CNOT6: variants seen among roughly 807,000 people sequenced by gnomAD.
The protein encoded by CNOT6 is carbon catabolite repression 4 protein.
A neutral mutation model predicts 61.2 loss-of-function variants in CNOT6; 12 were observed. The ratio of observed to expected loss-of-function variants is 0.20; its 90% CI spans 0.13 to 0.32. CNOT6 has a LOEUF of 0.32. Among genes scored for constraint, CNOT6 ranks in the 10% least tolerant of loss-of-function variants. CNOT6 has a pLI of 1.00. For missense variants in CNOT6, 405 were observed against 663.9 expected, an observed-to-expected ratio of 0.61 and a Z score of 4.28; for synonymous variants, 225 against 240.6, an observed-to-expected ratio of 0.94 and a Z score of 0.60.
rs1761037348 is a variant in CNOT6 at position 180,577,138 on chromosome 5, A to AGATAG, written c.*2940_*2944dup. The AGATAG allele has an allele frequency of 1.3e-5, 2 of 150,026 alleles. No homozygotes were observed. Among genetic ancestry groups the AGATAG allele is most frequent in the African/African-American group, 4.9e-5 (2 of 40,524 alleles). The allele number at this position is 150,026 out of a possible 1,614,324, so 9.3% of individuals were successfully genotyped here. On this transcript the variant is annotated 3_prime_UTR_variant, in exon 12 of 12. Transcript: ENST00000261951. ...TTGAGTGCAACTTTCATAGTCCCAA[A>AGATAG]GATAGGCAGAGAACATCTCCAGAAA...
At chr5:180,532,495 A>C (rs1483471078) in intron 2 of CNOT6, among the ~76,000 whole-genome samples, 1 of 151,776 alleles carries the variant, frequency 6.6e-6, no homozygotes, top group Non-Finnish European at 1.5e-5. Context: ...ATAGGGAAAA[A>C]CCCTCAACCC....
At chr5:180,560,441 C>T (rs1760106978) in intron 4 of CNOT6, among the ~76,000 whole-genome samples, 2 of 152,042 alleles carry the variant, frequency 1.3e-5, no homozygotes, top group Admixed American at 1.3e-4. Context: ...TTTTTGTCCT[C>T]TGAGATTGTC....
intron 10 of CNOT6, among the ~76,000 whole-genome samples, chr5:180,569,677 G>A (rs986852658): frequency 1.2e-4 from 18 of 152,044 alleles, no homozygotes; most frequent in Admixed American, 1.1e-3. Context: ...TCCAGCGTGT[G>A]GTAATATAAT....
At chr5:180,522,986 C>G (rs146149576) in intron 1 of CNOT6, among the ~76,000 whole-genome samples, 1 of 152,292 alleles carries the variant, frequency 6.6e-6, no homozygotes, top group African/African-American at 2.4e-5. Context: ...AGCCGGTCAT[C>G]AGAAGTGTGG....
chr5:180,562,962 A>T (rs370250633), intron 4 of CNOT6, among the ~76,000 whole-genome samples: 1 of 152,194 alleles, frequency 6.6e-6, no homozygotes, highest in African/African-American at 2.4e-5. Context: ...CACGTGAGAG[A>T]ATGGTACTCT....
At chr5:180,531,201 A>G (rs865854689) in intron 2 of CNOT6, among the ~76,000 whole-genome samples, 26 of 121,058 alleles carry the variant, frequency 2.1e-4, no homozygotes, top group African/African-American at 7.0e-4. Context: ...GGCGGCTGCC[A>G]GGCAGAGGGG....
At chr5:180,549,810 C>A in intron 2 of CNOT6, 121 bp from the exon 3 acceptor site, 1 of 710,246 alleles carries the variant, frequency 1.4e-6, no homozygotes, top group Non-Finnish European at 2.3e-6. Context: ...TTAACCCCTT[C>A]TCACAAGTTT....
At chr5:180,527,963 C>G (rs1758179222) in intron 1 of CNOT6, among the ~76,000 whole-genome samples, 1 of 152,160 alleles carries the variant, frequency 6.6e-6, no homozygotes, top group Admixed American at 6.6e-5. Context: ...CTAACTAATG[C>G]TTGGTGATCT....
At chr5:180,531,274 G>GCA (rs1758357373) in intron 2 of CNOT6, among the ~76,000 whole-genome samples, 2 of 150,562 alleles carry the variant, frequency 1.3e-5, no homozygotes, top group Non-Finnish European at 3.0e-5. Context: ...CAGACGGGGT[G>GCA]GCCGGTCAGA....
Position 180,564,717 on chromosome 5 carries a change from A to G in CNOT6, c.533A>G (p.Gln178Arg). The change falls in exon 6 of 12, where the codon CAA (glutamine) becomes CGA (arginine). Residue 178 changes from glutamine to arginine, a missense_variant. Around this residue, in one of 5 missense-constraint regions of CNOT6, gnomAD observed 212 missense variants for 307.1 expected, o/e 0.69. Transcript: ENST00000261951. Reference protein sequence around the residue: ...QPPPRSWIMLQEPDRTRPTAL... With the variant: ...QPPPRSWIMLREPDRTRPTAL... ...CCTCCAAGGTCTTGGATTATGTTACAAGAACCAGATAGGACAAGGCCAACT... is the reference window on the plus strand; with the variant it reads ...CCTCCAAGGTCTTGGATTATGTTACGAGAACCAGATAGGACAAGGCCAACT... The G allele has an allele frequency of 6.2e-7, 1 of 1,614,052 alleles. No homozygotes were observed. The highest frequency in any genetic ancestry group is 2.2e-5 in the East Asian group (1 of 44,874).
rs1269306696 is a variant in CNOT6 at position 180,496,791 on chromosome 5, AATC to A, written c.-3+2031_-3+2033del. 6.6e-5 allele frequency among the ~76,000 whole-genome samples: 10 copies of A among 152,240 alleles called. No homozygotes were observed. The East Asian group carries it at 1.9e-3, about 29-fold the overall frequency. On this transcript the variant is annotated intron_variant, in intron 1 of 11. Transcript: ENST00000261951. ...AGACTGAAGATTTTCTCTGAAAGTC[AATC>A]ATTAGGTAATTTCCATAGTGTCTTG...
chr5:180,564,750 A>C lies in CNOT6; in HGVS notation c.559+7A>C. 6.2e-7 allele frequency: 1 copy of C among 1,606,420 alleles called. No individual in the cohort carries two copies. The highest frequency in any genetic ancestry group is 8.5e-7 in the Non-Finnish European group (1 of 1,173,438). The stretch of plus-strand genomic sequence containing the variant: ...GATAGGACAAGGCCAACTGGTTGGT[A>C]GTCTTTTATTTTTTAACTGTTATTT... On this transcript the variant is annotated splice_region_variant and intron_variant, in intron 6 of 11. Transcript: ENST00000261951.
chr5:180,556,202 G>A (rs1317792176), intron 4 of CNOT6, among the ~76,000 whole-genome samples: 1 of 152,146 alleles, frequency 6.6e-6, no homozygotes, highest in Non-Finnish European at 1.5e-5. Context: ...ATTTATGTGT[G>A]AAGTCTTTAA....
chr5:180,502,427 A>C (rs1426434845), intron 1 of CNOT6, among the ~76,000 whole-genome samples: 1 of 152,216 alleles, frequency 6.6e-6, no homozygotes, highest in African/African-American at 2.4e-5. Context: ...ATAATATTAC[A>C]ATTTTCAGCC....
intron 1 of CNOT6, among the ~76,000 whole-genome samples, chr5:180,518,232 CT>C (rs1757734904): frequency 6.6e-6 from 1 of 152,284 alleles, no homozygotes; most frequent in East Asian, 1.9e-4. Flanking sequence ...TTCTAGCTGG[CT>C]TCTGTATCAT....
In CNOT6 at chr5:180,531,483, C is replaced by T. The variant is rs1456625530; in HGVS notation, c.112+2095C>T. On this transcript the variant is annotated intron_variant, in intron 2 of 11. Coordinates refer to ENST00000261951, the MANE Select transcript of CNOT6 (RefSeq NM_001370472.1). ...AGACGGGATGGCGGCTGGGAAGAGA[C>T]GCTCCTCACTTCCCAGACTGGGCGG... is the stretch of plus-strand genomic sequence containing the variant. Among the ~76,000 whole-genome samples the T allele has an allele frequency of 4.0e-5, 6 of 149,698 alleles. No homozygotes were observed. In the East Asian group the frequency reaches 6.1e-4, roughly 15 times the overall value.
At chr5:180,515,256 C>A (rs1360445147) in intron 1 of CNOT6, among the ~76,000 whole-genome samples, 75 of 137,632 alleles carry the variant, frequency 5.4e-4, no homozygotes, top group Admixed American at 4.9e-3. Context: ...CCCATCTCTA[C>A]AAAAAAAAAA....
rs550789725 is a variant in CNOT6 at position 180,557,844 on chromosome 5, G to A, written c.385+4373G>A. ...TTTTATGGTCTTATGTTACATTTAA[G>A]TCTATGATCCATTTTGACTTACGAT... On this transcript the variant is annotated intron_variant, in intron 4 of 11. Coordinates refer to ENST00000261951, the MANE Select transcript of CNOT6 (RefSeq NM_001370472.1). 7.9e-5 allele frequency among the ~76,000 whole-genome samples: 12 copies of A among 152,226 alleles called. No individual in the cohort carries two copies. In the South Asian group the frequency reaches 2.3e-3, roughly 29 times the overall value.
chr5:180,552,485 C>CAAAAA (rs74636591), intron 3 of CNOT6, among the ~76,000 whole-genome samples: 1 of 144,476 alleles, frequency 6.9e-6, no homozygotes, highest in African/African-American at 2.5e-5. Context: ...ACTAAAAATA[C>CAAAAA]AAAAAAAAAA....
Sources: gnomAD v4.1 joint callset for allele counts (sites outside exome capture counted in the v4.1 genomes callset) on GRCh38, gnomAD v4.1.1 for gene constraint, gnomAD v4.1.1 regional missense constraint, MANE v1.5 for transcripts, NCBI Gene and HGNC (gene_info 2026-07-23, HGNC 2026-07-21) for gene names.